The following UGT1A9 variants were observed in gnomAD, a reference collection of about 807,000 sequenced individuals.
UGT1A9 encodes the protein UDP-glucuronosyltransferase 1A9.
In UGT1A9, 35 loss-of-function variants were observed where a neutral mutation model predicts 45.0. That is an observed-to-expected ratio of 0.78 (90% CI 0.59 to 1.03). UGT1A9 has a LOEUF of 1.03. Among genes scored for constraint, UGT1A9 ranks in the 50% least tolerant of loss-of-function variants. UGT1A9 has a pLI of 0.00. For missense variants in UGT1A9, 687 were observed against 666.6 expected (o/e 1.03, Z -0.34); for synonymous variants, 278 against 250.6 (o/e 1.11, Z -1.03).
intron 1 of UGT1A9, chr2:233,690,819 A>T: frequency 9.3e-7 from 1 of 1,070,628 alleles, no homozygotes; most frequent in Non-Finnish European, 1.1e-6. Context: ...GTACAGTCAA[A>T]GCTCACAGGA....
At position 233,767,890 on chromosome 2, in the gene UGT1A9, G is replaced by A. The variant is rs770433443; in HGVS notation, c.1029G>A (p.Ala343=). The A allele has an allele frequency of 2.3e-5, 37 of 1,613,976 alleles. 1 individual carries two copies. The highest frequency in any genetic ancestry group is 1.6e-4 in the Middle Eastern group (1 of 6,082). The part of the protein sequence containing the change: ...RYTGTRPSNL[A]NNTILVKWLP... ...CTGGAACCCGACCATCGAATCTTGC[G>A]AACAACACGATACTTGTTAAGTGGC... is the stretch of plus-strand genomic sequence containing the variant. The change falls in exon 3 of 5, where the codon GCG becomes GCA. Residue 343 remains alanine (A), a synonymous_variant. Transcript: ENST00000354728.
At chr2:233,704,707 C>A (rs545458550) in intron 1 of UGT1A9, among the ~76,000 whole-genome samples, 1 of 152,192 alleles carries the variant, frequency 6.6e-6, no homozygotes, top group African/African-American at 2.4e-5. Flanking sequence ...CATTTCTTAG[C>A]CCAATTTGCC....
intron 1 of UGT1A9, chr2:233,719,544 G>C (rs1282092196): frequency 1.2e-6 from 2 of 1,613,824 alleles, no homozygotes; most frequent in Non-Finnish European, 1.7e-6. Context: ...TTTTCAGAGA[G>C]AGGTGTCAGT....
chr2:233,730,746 G>A (rs1030553021), intron 1 of UGT1A9, among the ~76,000 whole-genome samples: 3 of 152,110 alleles, frequency 2.0e-5, no homozygotes, highest in Non-Finnish European at 2.9e-5. Context: ...GGCTAGGGAG[G>A]AGATAAGACT....
intron 1 of UGT1A9, among the ~76,000 whole-genome samples, chr2:233,735,271 G>A (rs1195301760): frequency 1.3e-5 from 2 of 152,034 alleles, no homozygotes; most frequent in Non-Finnish European, 2.9e-5. Context: ...TTATGTAATG[G>A]CCTTCTTTGT....
At chr2:233,760,269 T>C (rs1697378310) in intron 1 of UGT1A9, 1 of 1,612,212 alleles carries the variant, frequency 6.2e-7, no homozygotes, top group Admixed American at 1.7e-5. Flanking sequence ...GGCGAACCTC[T>C]GGCAGGAGCA....
At chr2:233,712,416 C>T (rs2076233060) in intron 1 of UGT1A9, among the ~76,000 whole-genome samples, 1 of 152,192 alleles carries the variant, frequency 6.6e-6, no homozygotes, top group South Asian at 2.1e-4. Context: ...TTGAGCTTTA[C>T]AAGAAATATC....
At chr2:233,760,547 A>T (rs533766461) in intron 1 of UGT1A9, 1 of 1,614,192 alleles carries the variant, frequency 6.2e-7, no homozygotes, top group African/African-American at 1.3e-5. Context: ...CAAAGGGAGG[A>T]TGTGAAAGAG....
At chr2:233,677,927 C>T (rs978065648) in intron 1 of UGT1A9, among the ~76,000 whole-genome samples, 1 of 151,818 alleles carries the variant, frequency 6.6e-6, no homozygotes, top group Admixed American at 6.6e-5. Context: ...CCTAGGTGCC[C>T]GTCAACAGTG....
At chr2:233,690,770 CA>C (rs1350118707) in intron 1 of UGT1A9, 12 of 1,084,308 alleles carry the variant, frequency 1.1e-5, no homozygotes, top group African/African-American at 1.0e-4. Context: ...TACACACACA[CA>C]CACATACACA....
chr2:233,724,345 C>T (rs2077230471), intron 1 of UGT1A9, among the ~76,000 whole-genome samples: 3 of 148,032 alleles, frequency 2.0e-5, no homozygotes, highest in East Asian at 2.1e-4. Flanking sequence ...GGCTGACCCC[C>T]CCCACCTCCC....
At position 233,769,704 on chromosome 2, in the gene UGT1A9, T is replaced by A; in HGVS notation, c.1295+1265T>A. 6.6e-7 allele frequency: 1 copy of A among 1,519,548 alleles called. No homozygotes were observed. Among genetic ancestry groups the A allele is most frequent in the Non-Finnish European group, 8.8e-7 (1 of 1,132,514 alleles). 94.1% of individuals were successfully genotyped at this position (1,519,548 alleles called of 1,614,324 possible). On this transcript the variant is annotated intron_variant, in intron 4 of 4. Transcript: ENST00000354728. This position sits in a 1 kb window ranked among gnomAD's most constrained non-coding sequence, Gnocchi z 4.4. ...GTGGTGGCACTGGATAAAAGATCAA[T>A]GTTGGCTAGGCACCATGGCACACGC... is the stretch of plus-strand genomic sequence containing the variant.
chr2:233,721,992 G>T, intron 1 of UGT1A9: 1 of 260,508 alleles, frequency 3.8e-6, no homozygotes, highest in African/African-American at 2.2e-5. Flanking sequence ...TTTCACGAAT[G>T]TCCTTTAAGT....
At chr2:233,765,919 C>T (rs1268265280) in intron 1 of UGT1A9, among the ~76,000 whole-genome samples, 1 of 152,104 alleles carries the variant, frequency 6.6e-6, no homozygotes, top group Non-Finnish European at 1.5e-5. Flanking sequence ...GGGGAGCATA[C>T]AGACGGGCAG....
chr2:233,722,391 C>T (rs1160586490), intron 1 of UGT1A9, among the ~76,000 whole-genome samples: 1 of 152,204 alleles, frequency 6.6e-6, no homozygotes, highest in African/African-American at 2.4e-5. Flanking sequence ...TCTTCTCCCT[C>T]TCTTTCTCCT....
intron 1 of UGT1A9, chr2:233,756,116 T>G (rs939719556): frequency 6.6e-6 from 1 of 152,230 alleles, no homozygotes; most frequent in Non-Finnish European, 1.5e-5. Flanking sequence ...AGTTTTGACT[T>G]TGTAAAATTC....
At chr2:233,729,589 A>C (rs2077888801) in intron 1 of UGT1A9, 4 of 1,614,098 alleles carry the variant, frequency 2.5e-6, no homozygotes, top group Non-Finnish European at 2.5e-6. Context: ...AGACCCCGTT[A>C]ACCTCTGCGC....
chr2:233,757,562 G>GATATATATA (rs1696648748), intron 1 of UGT1A9, among the ~76,000 whole-genome samples: 1 of 90,870 alleles, frequency 1.1e-5, no homozygotes, highest in African/African-American at 5.1e-5. Context: ...ATATATATAT[G>GATATATATA]TATATATGAT....
intron 1 of UGT1A9, chr2:233,692,823 T>C: frequency 7.0e-7 from 1 of 1,433,698 alleles, no homozygotes; most frequent in South Asian, 1.5e-5. Context: ...ATATTAACCA[T>C]GTGATTAAAA....
Sources: gnomAD v4.1 joint callset for allele counts (sites outside exome capture counted in the v4.1 genomes callset) on GRCh38, gnomAD v4.1.1 for gene constraint, Gnocchi (gnomAD v3.1) non-coding constraint, MANE v1.5 for transcripts, NCBI Gene and HGNC (gene_info 2026-07-23, HGNC 2026-07-21) for gene names.